GOT2: variants seen among roughly 807,000 people sequenced by gnomAD.
GOT2 encodes the protein glutamic-oxaloacetic transaminase 2.
In GOT2, 17 loss-of-function variants were observed where a neutral mutation model predicts 50.0. That is an observed-to-expected ratio of 0.34 (90% CI 0.23 to 0.51). The LOEUF (loss-of-function observed/expected upper bound fraction) is 0.51. Ranked by LOEUF, GOT2 falls within the 20% of genes least tolerant of loss-of-function variation. The pLI, the probability that GOT2 is intolerant of heterozygous loss-of-function variation, is 0.97. For synonymous variants in GOT2, 172 were observed against 204.9 expected (o/e 0.84, Z 1.37); for missense variants, 430 against 559.6 (o/e 0.77, Z 2.34).
chr16:58,722,043 G>T, intron 3 of GOT2, 107 bp downstream of exon 3: 1 of 1,262,414 alleles, frequency 7.9e-7, no homozygotes, highest in Non-Finnish European at 1.1e-6. Context: ...GCCTCCCAAA[G>T]TGGTGGGATT....
chr16:58,718,535 C>T lies in GOT2; in HGVS notation c.589G>A (p.Asp197Asn), dbSNP rs149988435. ...CTGAAAGCCACACTTACTGAAATAT[C>T]CTCCACAGCGCCTGTGAAGTCAAAA... Reference protein sequence around the residue: ...CGFDFTGAVEDISKIPEQSVL... With the variant: ...CGFDFTGAVENISKIPEQSVL... Residue 197 changes from aspartate (D) to asparagine (N), a missense_variant, in exon 5 of 10, where the codon GAT (aspartate) becomes AAT (asparagine). Asp to Asn is a conservative substitution (Grantham distance 23). Coordinates refer to ENST00000245206, the MANE Select transcript of GOT2 (RefSeq NM_002080.4). The T allele has an allele frequency of 1.0e-3, 1,624 of 1,576,972 alleles. 1 individual carries two copies. The highest frequency in any genetic ancestry group is 1.3e-3 in the Non-Finnish European group (1,529 of 1,163,576).
chr16:58,718,487 G>A (rs2044712765), intron 5 of GOT2, 40 bp downstream of exon 5: 11 of 1,532,074 alleles, frequency 7.2e-6, no homozygotes, highest in African/African-American at 2.8e-5. Context: ...CGCAAGCAAG[G>A]AGTTTTATTC....
At chr16:58,710,144 T>C (rs1427846582) in intron 8 of GOT2, among the ~76,000 whole-genome samples, 2 of 152,184 alleles carry the variant, frequency 1.3e-5, no homozygotes, top group Non-Finnish European at 2.9e-5. Context: ...GCAATCCTCC[T>C]GCCTAGGCCT....
chr16:58,730,280 TGG>T (rs1245218956), intron 1 of GOT2, among the ~76,000 whole-genome samples: 1 of 152,162 alleles, frequency 6.6e-6, no homozygotes, highest in Non-Finnish European at 1.5e-5. Context: ...TTTCATCATC[TGG>T]GTAATAAGCA....
At chr16:58,710,458 C>T (rs1326996252) in intron 8 of GOT2, among the ~76,000 whole-genome samples, 1 of 151,072 alleles carries the variant, frequency 6.6e-6, no homozygotes, top group Non-Finnish European at 1.5e-5. Context: ...TCTGGAACTC[C>T]TGGGCTCAAG....
chr16:58,717,269 T>G (rs2044701861), intron 6 of GOT2, among the ~76,000 whole-genome samples: 1 of 152,070 alleles, frequency 6.6e-6, no homozygotes, highest in African/African-American at 2.4e-5. Flanking sequence ...TCCCAGCTAC[T>G]CAGGGGCTGA....
intron 7 of GOT2, 70 bp from the exon 8 acceptor site, chr16:58,716,249 T>G: frequency 7.1e-7 from 1 of 1,413,144 alleles, no homozygotes; most frequent in African/African-American, 1.4e-5. Flanking sequence ...CATGAGTGTA[T>G]TTGCTACGTA....
chr16:58,733,148 G>C (rs1162394208), intron 1 of GOT2, among the ~76,000 whole-genome samples: 1 of 152,192 alleles, frequency 6.6e-6, no homozygotes, highest in African/African-American at 2.4e-5. Flanking sequence ...CTTAAGGAGA[G>C]TGCTCCAAAT....
intron 8 of GOT2, among the ~76,000 whole-genome samples, chr16:58,711,559 A>G (rs1301730966): frequency 6.6e-6 from 1 of 152,192 alleles, no homozygotes; most frequent in Admixed American, 6.5e-5. Context: ...AAGACCAAAT[A>G]TGGGACCTAG....
intron 8 of GOT2, among the ~76,000 whole-genome samples, chr16:58,712,561 CAT>C (rs2044658068): frequency 6.6e-6 from 1 of 151,974 alleles, no homozygotes; most frequent in Non-Finnish European, 1.5e-5. Flanking sequence ...ACAAGAAAGT[CAT>C]GTGTGTATCT....
intron 1 of GOT2, among the ~76,000 whole-genome samples, chr16:58,727,196 A>G (rs778853919): frequency 1.5e-4 from 23 of 152,114 alleles, no homozygotes; most frequent in Non-Finnish European, 2.4e-4. Context: ...TCCGTCCCCC[A>G]GGCTGAAGTG....
chr16:58,716,433 A>C, intron 7 of GOT2: 2 of 603,010 alleles, frequency 3.3e-6, no homozygotes, highest in Non-Finnish European at 2.9e-6. Context: ...TTGTTTAGAG[A>C]AGCAGTAATC....
Position 58,708,088 on chromosome 16 carries a change from C to T in GOT2, c.*83G>A. On this transcript the variant is annotated 3_prime_UTR_variant, in exon 10 of 10. Coordinates refer to ENST00000245206, the MANE Select transcript of GOT2 (RefSeq NM_002080.4). Reference sequence around the variant, plus strand: ...GAAATGATCCACTCACCACCATCCACCCTCTCTCATTGTCTGTGTGAAGCT... The same window carrying T: ...GAAATGATCCACTCACCACCATCCATCCTCTCTCATTGTCTGTGTGAAGCT... 2.2e-6 allele frequency: 3 copies of T among 1,348,822 alleles called. No individual in the cohort carries two copies. Among genetic ancestry groups the T allele is most frequent in the Non-Finnish European group, 2.1e-6 (2 of 964,064 alleles). 83.6% of individuals were successfully genotyped at this position (1,348,822 alleles called of 1,614,324 possible).
chr16:58,712,378 G>T (rs974236649), intron 8 of GOT2, among the ~76,000 whole-genome samples: 3 of 152,206 alleles, frequency 2.0e-5, no homozygotes, highest in Non-Finnish European at 2.9e-5. Context: ...CAGTCATGGT[G>T]GTGGGTGCCT....
chr16:58,712,083 T>C (rs1292590715), intron 8 of GOT2, among the ~76,000 whole-genome samples: 1 of 151,264 alleles, frequency 6.6e-6, no homozygotes, highest in Non-Finnish European at 1.5e-5. Context: ...TCATTTCCTT[T>C]GCAAAAAAAA....
intron 1 of GOT2, among the ~76,000 whole-genome samples, chr16:58,725,024 T>G (rs2044772085): frequency 6.6e-6 from 1 of 152,194 alleles, no homozygotes; most frequent in Non-Finnish European, 1.5e-5. Flanking sequence ...GGAATTTGTC[T>G]GATGTTTTTC....
intron 1 of GOT2, among the ~76,000 whole-genome samples, chr16:58,731,114 TG>T (rs1188420514): frequency 6.6e-6 from 1 of 152,158 alleles, no homozygotes; most frequent in Non-Finnish European, 1.5e-5. Flanking sequence ...GAGCTAAAAA[TG>T]GCAGAGACAA....
intron 1 of GOT2, among the ~76,000 whole-genome samples, chr16:58,728,840 C>T (rs2044808391): frequency 6.6e-6 from 1 of 152,066 alleles, no homozygotes; most frequent in African/African-American, 2.4e-5. Context: ...GCCACCACGC[C>T]CGGCTAATTT....
intron 1 of GOT2, among the ~76,000 whole-genome samples, chr16:58,724,846 AT>A (rs1431509863): frequency 3.9e-5 from 6 of 151,970 alleles, no homozygotes; most frequent in African/African-American, 1.4e-4. Flanking sequence ...TGGTCCATAC[AT>A]TATTAGGTCC....
Sources: gnomAD v4.1 joint callset for allele counts (sites outside exome capture counted in the v4.1 genomes callset) on GRCh38, gnomAD v4.1.1 for gene constraint, MANE v1.5 for transcripts, NCBI Gene and HGNC (gene_info 2026-07-23, HGNC 2026-07-21) for gene names.